Variants in EIF4A3 observed in about 807,000 individuals in gnomAD.
The protein encoded by EIF4A3 is eukaryotic translation initiation factor 4A3, also known as eukaryotic initiation factor 4A-III.
EIF4A3 carries 1 observed loss-of-function variant against 55.6 expected under a neutral mutation model. The observed-to-expected ratio is 0.02, with a 90% CI of 0.01 to 0.09. EIF4A3 has a LOEUF of 0.09. Ranked by LOEUF, EIF4A3 falls within the 10% of genes least tolerant of loss-of-function variation. The pLI, the probability that EIF4A3 is intolerant of heterozygous loss-of-function variation, is 1.00. For missense variants in EIF4A3, 221 were observed against 540.7 expected, an observed-to-expected ratio of 0.41 and a Z score of 5.86; for synonymous variants, 194 against 196.3, an observed-to-expected ratio of 0.99 and a Z score of 0.10.
chr17:80,135,093 G>A lies in EIF4A3; in HGVS notation c.*397C>T, dbSNP rs114578253. On this transcript the variant is annotated 3_prime_UTR_variant, in exon 12 of 12. Coordinates refer to ENST00000649764, the MANE Select transcript of EIF4A3 (RefSeq NM_014740.4). ...CATGAACCCAGGAAGTGGAGCTTGC[G>A]GTGAGAGGAGATCACGCCACTGCGC... is the stretch of plus-strand genomic sequence containing the variant. The A allele has an allele frequency of 0.023, 3,608 of 159,172 alleles. 156 individuals are homozygous for A. The highest frequency in any genetic ancestry group is 0.082 in the African/African-American group (3,409 of 41,608). 9.9% of individuals were successfully genotyped at this position (159,172 alleles called of 1,614,324 possible). A position where few individuals can be genotyped will look rare whatever the true frequency, so the allele number is the denominator to read the frequency against.
chr17:80,140,071 C>T lies in EIF4A3; in HGVS notation c.442G>A (p.Glu148Lys), dbSNP rs748340572. Residue 148 changes from glutamate (E) to lysine (K), a missense_variant, in exon 5 of 12, where the codon GAG becomes AAG. By Grantham distance (56) the Glu-to-Lys change is moderately conservative. Transcript: ENST00000649764. ...HACIGGTNVG[E>K]DIRKLDYGQH... ...CCGTAATCCAGCTTCCTGATGTCCT[C>T]GCCAACATTGGTGCCTCCAATGCAG... 1.2e-6 allele frequency: 2 copies of T among 1,613,986 alleles called. No homozygotes were observed. Among genetic ancestry groups the T allele is most frequent in the Non-Finnish European group, 8.5e-7 (1 of 1,179,986 alleles).
intron 2 of EIF4A3, among the ~76,000 whole-genome samples, chr17:80,142,343 T>C (rs1236863555): frequency 6.6e-6 from 1 of 152,206 alleles, no homozygotes; most frequent in Non-Finnish European, 1.5e-5. Context: ...TACAGTCTTA[T>C]TAAATTGATG....
chr17:80,145,584 G>C (rs1195739451), intron 1 of EIF4A3, among the ~76,000 whole-genome samples: 3 of 152,042 alleles, frequency 2.0e-5, no homozygotes, highest in African/African-American at 4.8e-5. Context: ...AGAAAGAAAA[G>C]GAAGAGAACT....
At chr17:80,138,945 T>A in intron 7 of EIF4A3, 76 bp downstream of exon 7, 1 of 1,570,730 alleles carries the variant, frequency 6.4e-7, no homozygotes, top group Non-Finnish European at 8.7e-7. Flanking sequence ...CTATAAAAAG[T>A]TTTTGAAATT....
chr17:80,136,213 G>A lies in EIF4A3; in HGVS notation c.1091+15C>T. 6.2e-7 allele frequency: 1 copy of A among 1,613,240 alleles called. No individual in the cohort carries two copies. Among genetic ancestry groups the A allele is most frequent in the Non-Finnish European group, 8.5e-7 (1 of 1,179,340 alleles). The stretch of plus-strand genomic sequence containing the variant: ...TGTGTCACAGAAGTGAAGCCAATGA[G>A]AGCTTGCACCTTACCTGTGTATGTA... On this transcript the variant is annotated intron_variant, in intron 10 of 11. Coordinates refer to ENST00000649764, the MANE Select transcript of EIF4A3 (RefSeq NM_014740.4).
chr17:80,138,904 C>A, intron 7 of EIF4A3, 117 bp downstream of exon 7: 1 of 1,386,692 alleles, frequency 7.2e-7, no homozygotes, highest in Non-Finnish European at 9.9e-7. Context: ...CGGGTTTTGA[C>A]ACGAGCTTCA....
In EIF4A3 at chr17:80,137,369, C is replaced by A; in HGVS notation, c.983+17G>T. The A allele has an allele frequency of 6.2e-7, 1 of 1,609,170 alleles. No homozygotes were observed. Among genetic ancestry groups the A allele is most frequent in the Admixed American group, 1.7e-5 (1 of 59,830 alleles). On this transcript the variant is annotated intron_variant, in intron 9 of 11. Coordinates refer to ENST00000649764, the MANE Select transcript of EIF4A3 (RefSeq NM_014740.4). ...TAGCAAACCCTGACCTGCAGAGCCA[C>A]AGCATAGCAGACCCACCTGGCGCCC...
intron 4 of EIF4A3, 122 bp from the exon 5 acceptor site, chr17:80,140,262 A>C: frequency 8.2e-7 from 1 of 1,225,196 alleles, no homozygotes; most frequent in Non-Finnish European, 1.1e-6. Flanking sequence ...TATTATCTCG[A>C]AACCACAAAA....
At chr17:80,138,810 A>G (rs915607784) in intron 7 of EIF4A3, 2 of 606,884 alleles carry the variant, frequency 3.3e-6, no homozygotes, top group Non-Finnish European at 5.6e-6. Context: ...TGCCCAGCCT[A>G]TTTGGTTTTT....
At chr17:80,141,883 G>A in intron 2 of EIF4A3, 35 bp from the exon 3 acceptor site, 3 of 1,591,102 alleles carry the variant, frequency 1.9e-6, no homozygotes, top group Non-Finnish European at 2.6e-6. Context: ...GGATTAGAGG[G>A]AGGACAGGCC....
chr17:80,142,469 C>T (rs1029480979), intron 2 of EIF4A3, among the ~76,000 whole-genome samples: 65 of 152,300 alleles, frequency 4.3e-4, no homozygotes, highest in African/African-American at 1.3e-3. Context: ...CCTCATGTCA[C>T]GGCGTGGTGG....
At chr17:80,135,869 T>G in intron 11 of EIF4A3, 135 bp downstream of exon 11, 1 of 1,245,652 alleles carries the variant, frequency 8.0e-7, no homozygotes, top group Non-Finnish European at 1.1e-6. Flanking sequence ...CACTCCAGCC[T>G]GGGTGACAGA....
At chr17:80,141,744 G>C in intron 3 of EIF4A3, 38 bp downstream of exon 3, 2 of 1,570,700 alleles carry the variant, frequency 1.3e-6, no homozygotes, top group East Asian at 2.2e-5. Context: ...GTATTTCCTA[G>C]AATTACATAA....
chr17:80,141,640 A>G lies in EIF4A3; in HGVS notation c.309+142T>C. The G allele has an allele frequency of 3.7e-6, 3 of 813,988 alleles. No individual in the cohort carries two copies. In the South Asian group the frequency reaches 5.3e-5, roughly 14 times the overall value. 50.4% of individuals were successfully genotyped at this position (813,988 alleles called of 1,614,324 possible). On this transcript the variant is annotated intron_variant, in intron 3 of 11. Coordinates refer to ENST00000649764, the MANE Select transcript of EIF4A3 (RefSeq NM_014740.4). ...ATATTAGTGCATATATTAGTGTACA[A>G]CTAAGACTCTGTGTAAAAATTTGCT...
At chr17:80,143,649 C>T (rs1366941810) in intron 2 of EIF4A3, among the ~76,000 whole-genome samples, 1 of 152,202 alleles carries the variant, frequency 6.6e-6, no homozygotes, top group East Asian at 1.9e-4. Flanking sequence ...TACAATTCCA[C>T]ATGCCAGCAA....
chr17:80,141,251 G>T, intron 4 of EIF4A3, 68 bp downstream of exon 4: 1 of 1,453,134 alleles, frequency 6.9e-7, no homozygotes. Flanking sequence ...TAAATAAGTC[G>T]GTGTTTCACA....
intron 7 of EIF4A3, 130 bp downstream of exon 7, chr17:80,138,891 G>T (rs2039594928): frequency 8.1e-7 from 1 of 1,230,164 alleles, no homozygotes; most frequent in Non-Finnish European, 1.1e-6. Context: ...ATAGCCTGAG[G>T]TCCGGGTTTT....
intron 8 of EIF4A3, 131 bp downstream of exon 8, chr17:80,138,011 A>AG: frequency 8.2e-7 from 1 of 1,225,502 alleles, no homozygotes; most frequent in East Asian, 2.3e-5. Flanking sequence ...TGCTTTTACA[A>AG]GAGAACACAT....
At chr17:80,139,431 CGA>C in intron 6 of EIF4A3, 1 of 608,214 alleles carries the variant, frequency 1.6e-6, no homozygotes, top group Admixed American at 3.3e-5. Context: ...AAACCCACCC[CGA>C]GAGTCCTAGA....
Sources: allele counts gnomAD v4.1 joint callset (sites outside exome capture counted in the v4.1 genomes callset), GRCh38; gene constraint gnomAD v4.1.1; transcripts MANE v1.5; gene names NCBI Gene and HGNC (gene_info 2026-07-23, HGNC 2026-07-21).